Variants in STK33 observed in about 807,000 individuals in gnomAD.
STK33 encodes serine/threonine-protein kinase 33.
A neutral mutation model predicts 58.0 loss-of-function variants in STK33; 52 were observed. The ratio of observed to expected loss-of-function variants is 0.90; its 90% CI spans 0.72 to 1.13. The LOEUF (loss-of-function observed/expected upper bound fraction) is 1.13. Ranked by LOEUF, STK33 falls within the 50% of genes most tolerant of loss-of-function variation. The pLI is 0.00. For synonymous variants in STK33, 215 were observed against 200.1 expected, an observed-to-expected ratio of 1.07 and a Z score of -0.63; for missense variants, 630 against 604.2, an observed-to-expected ratio of 1.04 and a Z score of -0.45.
the STK33 span, among the ~76,000 whole-genome samples, chr11:8,345,536 C>T: frequency 6.6e-6 from 1 of 152,234 alleles, no homozygotes; most frequent in African/African-American, 2.4e-5. Flanking sequence ...GGCAGGAAGA[C>T]CCATTCATAG....
intron 1 of STK33, among the ~76,000 whole-genome samples, chr11:8,560,239 G>T (rs1475979082): frequency 6.6e-6 from 1 of 152,094 alleles, no homozygotes; most frequent in Non-Finnish European, 1.5e-5. Flanking sequence ...GGATATGAGA[G>T]TGCATTTTAC....
chr11:8,444,516 T>C (rs780120902), intron 11 of STK33, among the ~76,000 whole-genome samples: 11 of 152,098 alleles, frequency 7.2e-5, no homozygotes, highest in Non-Finnish European at 1.5e-4. Flanking sequence ...CCTCAAAAAA[T>C]TTTTTAGAAA....
At chr11:8,356,447 C>T in the STK33 span, among the ~76,000 whole-genome samples, 1 of 152,048 alleles carries the variant, frequency 6.6e-6, no homozygotes, top group East Asian at 1.9e-4. Flanking sequence ...CGACGGCTCG[C>T]CACTGTCATC....
At chr11:8,578,655 C>A (rs971911275) in intron 1 of STK33, among the ~76,000 whole-genome samples, 1 of 151,524 alleles carries the variant, frequency 6.6e-6, no homozygotes, top group East Asian at 1.9e-4. Flanking sequence ...TTACTTGGCT[C>A]CAGGGAAATT....
At chr11:8,503,583 T>C (rs1051071866) in intron 1 of STK33, among the ~76,000 whole-genome samples, 1 of 152,194 alleles carries the variant, frequency 6.6e-6, no homozygotes, top group Non-Finnish European at 1.5e-5. Flanking sequence ...AACTTATTTA[T>C]GTAACAAACC....
the STK33 span, among the ~76,000 whole-genome samples, chr11:8,368,945 A>C: frequency 6.6e-6 from 1 of 152,072 alleles, no homozygotes; most frequent in South Asian, 2.1e-4. Context: ...GCCCCATTAC[A>C]CAGCTGTTAC....
At chr11:8,447,249 C>A (rs983248295) in intron 11 of STK33, among the ~76,000 whole-genome samples, 1 of 152,138 alleles carries the variant, frequency 6.6e-6, no homozygotes, top group African/African-American at 2.4e-5. Context: ...CTATTTCAAT[C>A]AATAGAGAAA....
the STK33 span, among the ~76,000 whole-genome samples, chr11:8,367,873 A>C: frequency 6.2e-3 from 939 of 152,090 alleles, 10 homozygotes; most frequent in Non-Finnish European, 8.5e-3. Flanking sequence ...CACACTCATC[A>C]CACACACACA....
At position 8,413,629 on chromosome 11, in the gene STK33, T is replaced by G. The variant is rs1439134211; in HGVS notation, c.1210A>C (p.Asn404His). 6.2e-7 allele frequency: 1 copy of G among 1,614,082 alleles called. No individual in the cohort carries two copies. Among genetic ancestry groups the G allele is most frequent in the Non-Finnish European group, 8.5e-7 (1 of 1,179,970 alleles). Residue 404 changes from asparagine (N) to histidine (H), a missense_variant, in exon 15 of 16, where the codon AAC (asparagine) becomes CAC (histidine). Transcript: ENST00000687296. ...VLEMMKEWKN[N>H]PESVEENTTE... ...GTGTTTTCCTCAACACTTTCTGGGT[T>G]ATTTTTCCATTCCTTCATCATCTCT...
the STK33 span, among the ~76,000 whole-genome samples, chr11:8,365,030 G>A: frequency 6.6e-6 from 1 of 150,376 alleles, no homozygotes; most frequent in African/African-American, 2.4e-5. Context: ...TGATTGGGCT[G>A]AGATGGGAGG....
intron 1 of STK33, among the ~76,000 whole-genome samples, chr11:8,538,399 A>G (rs1268143853): frequency 1.3e-5 from 2 of 152,188 alleles, no homozygotes; most frequent in African/African-American, 4.8e-5. Flanking sequence ...AAGCTAGAAT[A>G]TGAATCCAAA....
chr11:8,432,188 T>G (rs1236283651), intron 14 of STK33, among the ~76,000 whole-genome samples: 2 of 152,204 alleles, frequency 1.3e-5, no homozygotes, highest in East Asian at 3.8e-4. Context: ...AAAGAAAAAC[T>G]GACTTCCTTA....
chr11:8,593,462 C>G (rs2141662487), intron 1 of STK33, among the ~76,000 whole-genome samples: 1 of 152,300 alleles, frequency 6.6e-6, no homozygotes, highest in Non-Finnish European at 1.5e-5. Flanking sequence ...CACAAAACAG[C>G]TTCACATATA....
chr11:8,387,480 G>A (rs1848559925), downstream of STK33, among the ~76,000 whole-genome samples: 1 of 152,174 alleles, frequency 6.6e-6, no homozygotes, highest in Non-Finnish European at 1.5e-5. Flanking sequence ...TCTCTGTAGA[G>A]ATAATAATGG....
intron 1 of STK33, among the ~76,000 whole-genome samples, chr11:8,514,106 A>G (rs1414872226): frequency 6.6e-6 from 1 of 152,118 alleles, no homozygotes; most frequent in Non-Finnish European, 1.5e-5. Context: ...CACTTAACAT[A>G]ATGATTTCAG....
intron 6 of STK33, chr11:8,467,062 C>T (rs1948272004): frequency 2.0e-5 from 3 of 152,226 alleles, no homozygotes; most frequent in African/African-American, 7.2e-5. Context: ...CCCACGAAAC[C>T]ACTTTTTCCT....
chr11:8,592,034 T>C (rs570639117), intron 1 of STK33, among the ~76,000 whole-genome samples: 9 of 152,266 alleles, frequency 5.9e-5, no homozygotes, highest in South Asian at 2.1e-4. Context: ...TTGTCTGTCT[T>C]GGTCTTTGCC....
chr11:8,551,140 T>G (rs1405202731), intron 1 of STK33, among the ~76,000 whole-genome samples: 1 of 152,128 alleles, frequency 6.6e-6, no homozygotes, highest in Non-Finnish European at 1.5e-5. Context: ...AATAATTTTT[T>G]TTTTTTGGAG....
chr11:8,347,026 A>C, the STK33 span, among the ~76,000 whole-genome samples: 1 of 152,224 alleles, frequency 6.6e-6, no homozygotes, highest in Admixed American at 6.5e-5. Context: ...ACTTTAGCTT[A>C]CTAATTAAAG....
Sources: allele counts gnomAD v4.1 joint callset (sites outside exome capture counted in the v4.1 genomes callset), GRCh38; gene constraint gnomAD v4.1.1; transcripts MANE v1.5; gene names NCBI Gene and HGNC (gene_info 2026-07-23, HGNC 2026-07-21).